The following CLEC12A variants were observed in gnomAD, a reference collection of about 807,000 sequenced individuals.
CLEC12A encodes C-type lectin domain family 12 member A, also known as C-type lectin protein CLL-1.
CLEC12A carries 22 observed loss-of-function variants against 26.5 expected under a neutral mutation model. That is an observed-to-expected ratio of 0.83 (90% CI 0.59 to 1.19). The LOEUF is 1.19. Among genes scored for constraint, CLEC12A ranks in the 50% most tolerant of loss-of-function variants. The pLI, the probability that CLEC12A is intolerant of heterozygous loss-of-function variation, is 0.00. For synonymous variants in CLEC12A, 119 were observed against 101.9 expected (o/e 1.17, Z -1.01); for missense variants, 353 against 315.6 (o/e 1.12, Z -0.90).
chr12:9,957,538 A>G (rs1863763395), intron 1 of CLEC12A, among the ~76,000 whole-genome samples: 1 of 152,080 alleles, frequency 6.6e-6, no homozygotes, highest in African/African-American at 2.4e-5. Context: ...GGTAGATAAG[A>G]GACAAATGGT....
chr12:9,996,627 G>C, downstream of CLEC12A: 1 of 656,760 alleles, frequency 1.5e-6, no homozygotes, highest in Non-Finnish European at 2.8e-6. Context: ...GTCAGGAAGG[G>C]ACAAGTCAAT....
At chr12:9,993,287 C>T (rs371450388) in intron 4 of CLEC12A, 4 of 1,610,760 alleles carry the variant, frequency 2.5e-6, no homozygotes, top group South Asian at 1.1e-5. Context: ...AAAACTCAAA[C>T]CTGTGAAGGG....
intron 5 of CLEC12A, among the ~76,000 whole-genome samples, chr12:9,982,793 CCCT>C (rs1565562519): frequency 6.6e-6 from 1 of 152,096 alleles, no homozygotes; most frequent in African/African-American, 2.4e-5. Flanking sequence ...TTTCTTCCCA[CCCT>C]CCTACTTTTT....
chr12:10,004,930 G>C, the CLEC12A span, among the ~76,000 whole-genome samples: 1 of 143,678 alleles, frequency 7.0e-6, no homozygotes, highest in African/African-American at 2.6e-5. Flanking sequence ...CCGACCCCAC[G>C]ACAGGCCCCG....
At chr12:9,952,445 G>C in intron 1 of CLEC12A, 1 of 153,076 alleles carries the variant, frequency 6.5e-6, no homozygotes, top group South Asian at 1.4e-4. Context: ...CCGAGGTGCC[G>C]GGATTGCAGA....
intron 1 of CLEC12A, among the ~76,000 whole-genome samples, chr12:9,964,901 A>G (rs766732388): frequency 5.3e-5 from 8 of 152,216 alleles, no homozygotes; most frequent in Non-Finnish European, 1.0e-4. Flanking sequence ...AATCAGAGAG[A>G]TACAGTCATA....
downstream of CLEC12A, among the ~76,000 whole-genome samples, chr12:9,986,422 C>CAG (rs1864768654): frequency 7.3e-6 from 1 of 137,010 alleles, no homozygotes; most frequent in South Asian, 2.4e-4. Context: ...TATCCCCCCC[C>CAG]CCCTTTTTTT....
chr12:9,987,614 G>A (rs1591841738), downstream of CLEC12A, among the ~76,000 whole-genome samples: 2 of 152,262 alleles, frequency 1.3e-5, no homozygotes, highest in African/African-American at 2.4e-5. Flanking sequence ...GTACTAGAAA[G>A]GGGAAACATC....
intron 1 of CLEC12A, among the ~76,000 whole-genome samples, chr12:9,966,223 C>A (rs1863944893): frequency 6.6e-6 from 1 of 152,056 alleles, no homozygotes; most frequent in African/African-American, 2.4e-5. Flanking sequence ...GAGTGGGTAG[C>A]CTCCGTATTG....
chr12:9,960,669 A>G (rs1360642143), intron 1 of CLEC12A, among the ~76,000 whole-genome samples: 1 of 152,232 alleles, frequency 6.6e-6, no homozygotes, highest in Non-Finnish European at 1.5e-5. Context: ...CGGCCCCGTT[A>G]TCTTATAGAA....
In CLEC12A at chr12:9,971,527, T is replaced by G; in HGVS notation, c.-70T>G. On this transcript the variant is annotated 5_prime_UTR_variant, in exon 1 of 6. Coordinates refer to ENST00000304361, the MANE Select transcript of CLEC12A (RefSeq NM_138337.6). The stretch of plus-strand genomic sequence containing the variant: ...TTAAAATTATAGGTCCTGTTTAACA[T>G]TCAGCTCTGTTAACTCACTCATCTT... 2.6e-6 allele frequency: 4 copies of G among 1,551,422 alleles called. No individual in the cohort carries two copies. The highest frequency in any genetic ancestry group is 2.5e-5 in the South Asian group (2 of 80,552).
At chr12:9,957,696 T>C (rs1426595351) in intron 1 of CLEC12A, among the ~76,000 whole-genome samples, 1 of 152,190 alleles carries the variant, frequency 6.6e-6, no homozygotes, top group Non-Finnish European at 1.5e-5. Context: ...CAATCAGATA[T>C]GCATTTGTTT....
At chr12:9,988,246 A>G (rs1286512448), downstream of CLEC12A, among the ~76,000 whole-genome samples, 1 of 152,196 alleles carries the variant, frequency 6.6e-6, no homozygotes, top group Admixed American at 6.5e-5. Context: ...TGTTAGACCT[A>G]AAACCATAAA....
intron 1 of CLEC12A, among the ~76,000 whole-genome samples, chr12:9,964,990 CTT>C (rs1863904776): frequency 6.6e-6 from 1 of 151,946 alleles, no homozygotes; most frequent in African/African-American, 2.4e-5. Context: ...TTGTCAGAGA[CTT>C]AACAAAAAGG....
the CLEC12A span, among the ~76,000 whole-genome samples, chr12:10,003,945 A>G: frequency 3.9e-5 from 6 of 152,144 alleles, no homozygotes; most frequent in African/African-American, 1.4e-4. Context: ...AATAAGCAGT[A>G]CCATCTAACC....
downstream of CLEC12A, among the ~76,000 whole-genome samples, chr12:9,989,273 T>G: frequency 6.6e-6 from 1 of 150,904 alleles, no homozygotes; most frequent in Non-Finnish European, 1.5e-5. Context: ...AAATGACGAG[T>G]TAATGGGTGC....
chr12:9,969,105 G>T (rs1457325770), upstream of CLEC12A, among the ~76,000 whole-genome samples: 1 of 152,118 alleles, frequency 6.6e-6, no homozygotes, highest in Non-Finnish European at 1.5e-5. Flanking sequence ...GAAAGGGGTG[G>T]TGGGGGATAA....
chr12:9,992,003 ATTTGGTTTCTCTATGTT>A (rs1034720585), intron 4 of CLEC12A: 3 of 152,052 alleles, frequency 2.0e-5, no homozygotes, highest in Admixed American at 1.3e-4. Flanking sequence ...TGAGTTTCCT[ATTTGGTTTCTCTATGTT>A]TTAACCAAAA....
chr12:9,984,081 A>G (rs941092228), intron 5 of CLEC12A: 7 of 293,632 alleles, frequency 2.4e-5, no homozygotes, highest in Non-Finnish European at 4.1e-5. Flanking sequence ...CTGAAAAAGT[A>G]TATAATAATT....
Sources: allele counts gnomAD v4.1 joint callset (sites outside exome capture counted in the v4.1 genomes callset), GRCh38; gene constraint gnomAD v4.1.1; transcripts MANE v1.5; gene names NCBI Gene and HGNC (gene_info 2026-07-23, HGNC 2026-07-21).